The following ASXL2 variants were observed in gnomAD, a reference collection of about 807,000 sequenced individuals.
ASXL2 encodes putative Polycomb group protein ASXL2.
ASXL2 carries 23 observed loss-of-function variants against 122.0 expected under a neutral mutation model. The observed-to-expected ratio is 0.19, with a 90% CI of 0.14 to 0.27. The LOEUF is 0.27. Ranked by LOEUF, ASXL2 falls within the 10% of genes least tolerant of loss-of-function variation. ASXL2 has a pLI of 1.00. For missense variants in ASXL2, 1,518 were observed against 1,713.8 expected (o/e 0.89, Z 2.02); for synonymous variants, 650 against 637.0 (o/e 1.02, Z -0.31).
intron 1 of ASXL2, among the ~76,000 whole-genome samples, chr2:25,849,371 T>G (rs930615687): frequency 2.1e-5 from 3 of 142,804 alleles, no homozygotes; most frequent in African/African-American, 2.6e-5. Flanking sequence ...AAGAATCACT[T>G]GAACCCAGGA....
rs1261707766 is a variant in ASXL2, at chr2:25,878,254, T to C, written c.-32A>G. On this transcript the variant is annotated 5_prime_UTR_variant, in exon 1 of 13. Coordinates refer to ENST00000435504, the MANE Select transcript of ASXL2 (RefSeq NM_018263.6). Reference sequence around the variant, plus strand: ...TCTTGAACTGACTGGGAGGCTCCCGTGTCCGGGCTCCGGCCGCCCTCCCTG... The same window carrying C: ...TCTTGAACTGACTGGGAGGCTCCCGCGTCCGGGCTCCGGCCGCCCTCCCTG... The C allele has an allele frequency of 6.2e-7, 1 of 1,610,912 alleles. No individual in the cohort carries two copies. The highest frequency in any genetic ancestry group is 8.5e-7 in the Non-Finnish European group (1 of 1,178,038).
At chr2:25,846,234 T>A (rs368903294) in intron 1 of ASXL2, among the ~76,000 whole-genome samples, 2 of 152,130 alleles carry the variant, frequency 1.3e-5, no homozygotes, top group East Asian at 3.9e-4. Flanking sequence ...ATTATCTGGG[T>A]TTTTCCCCCC....
chr2:25,751,039 G>A (rs1559500730), intron 11 of ASXL2, among the ~76,000 whole-genome samples: 1 of 152,164 alleles, frequency 6.6e-6, no homozygotes, highest in South Asian at 2.1e-4. Context: ...TTCTGAGATC[G>A]AGTGTCTCTA....
At chr2:25,848,015 A>G (rs1294113667) in intron 1 of ASXL2, among the ~76,000 whole-genome samples, 7 of 152,192 alleles carry the variant, frequency 4.6e-5, no homozygotes, top group Non-Finnish European at 7.3e-5. Context: ...TTTTCCTGCC[A>G]ATTTAAATGG....
At chr2:25,809,472 G>A (rs1193528789) in intron 3 of ASXL2, among the ~76,000 whole-genome samples, 1 of 152,078 alleles carries the variant, frequency 6.6e-6, no homozygotes. Context: ...CTTTCCCTGG[G>A]CTCTGTTTGG....
At chr2:25,877,715 G>A (rs1398820153) in intron 1 of ASXL2, among the ~76,000 whole-genome samples, 1 of 152,170 alleles carries the variant, frequency 6.6e-6, no homozygotes, top group Non-Finnish European at 1.5e-5. Context: ...CCGCTGTAAC[G>A]GGTAAATTCT....
At chr2:25,748,225 A>G (rs1267504167) in intron 12 of ASXL2, among the ~76,000 whole-genome samples, 2 of 147,776 alleles carry the variant, frequency 1.4e-5, no homozygotes, top group African/African-American at 2.5e-5. Flanking sequence ...GGAAGTACAG[A>G]CGGTGGCCCA....
At chr2:25,808,107 A>C (rs1476123443) in intron 3 of ASXL2, among the ~76,000 whole-genome samples, 1 of 151,890 alleles carries the variant, frequency 6.6e-6, no homozygotes, top group African/African-American at 2.4e-5. Flanking sequence ...GAAAAAAAAC[A>C]ACCAAAACTT....
chr2:25,746,998 T>C (rs1440763983), intron 12 of ASXL2, among the ~76,000 whole-genome samples: 1 of 152,216 alleles, frequency 6.6e-6, no homozygotes, highest in East Asian at 1.9e-4. Flanking sequence ...TGGCGTAGTA[T>C]TTGCAGATAA....
chr2:25,868,288 G>A (rs1015937316), intron 1 of ASXL2, among the ~76,000 whole-genome samples: 1 of 152,234 alleles, frequency 6.6e-6, no homozygotes, highest in Non-Finnish European at 1.5e-5. Context: ...AAACATCAGT[G>A]AGTTCAAGGT....
At chr2:25,840,684 G>T (rs1421056150) in intron 2 of ASXL2, among the ~76,000 whole-genome samples, 13 of 152,162 alleles carry the variant, frequency 8.5e-5, no homozygotes, top group Non-Finnish European at 1.5e-5. Context: ...CCATACTGTA[G>T]CATGTATCAG....
At chr2:25,770,383 C>T (rs868233792) in intron 6 of ASXL2, among the ~76,000 whole-genome samples, 17 of 152,020 alleles carry the variant, frequency 1.1e-4, no homozygotes, top group Middle Eastern at 3.2e-3. Context: ...TCAGGTGATC[C>T]GCCTGCCTTG....
chr2:25,746,730 A>G (rs994756303), intron 12 of ASXL2, among the ~76,000 whole-genome samples: 5 of 152,240 alleles, frequency 3.3e-5, no homozygotes, highest in Admixed American at 6.5e-5. Flanking sequence ...ATACCTAAAA[A>G]TAAGTTTCAG....
chr2:25,837,050 GA>G (rs1411147880), intron 2 of ASXL2, among the ~76,000 whole-genome samples: 4 of 123,968 alleles, frequency 3.2e-5, no homozygotes, highest in African/African-American at 1.2e-4. Flanking sequence ...TTAATAAGAC[GA>G]GCAAAGCAGG....
chr2:25,768,900 A>C, intron 6 of ASXL2, 32 bp from the exon 7 acceptor site: 1 of 1,598,580 alleles, frequency 6.3e-7, no homozygotes, highest in East Asian at 2.2e-5. Flanking sequence ...TAAGAAACAA[A>C]ACCAATCAGT....
intron 1 of ASXL2, among the ~76,000 whole-genome samples, chr2:25,869,935 A>C (rs1394397069): frequency 6.6e-6 from 1 of 151,712 alleles, no homozygotes; most frequent in East Asian, 1.9e-4. Flanking sequence ...AGAAAGAAAC[A>C]TTGAAAAGAA....
intron 3 of ASXL2, among the ~76,000 whole-genome samples, chr2:25,825,501 G>C (rs997143355): frequency 2.0e-5 from 3 of 152,120 alleles, no homozygotes; most frequent in East Asian, 1.9e-4. Flanking sequence ...CTATGAATCT[G>C]ACTACTCTAG....
intron 1 of ASXL2, among the ~76,000 whole-genome samples, chr2:25,850,026 T>C (rs1225370521): frequency 6.6e-6 from 1 of 152,140 alleles, no homozygotes; most frequent in Non-Finnish European, 1.5e-5. Context: ...AACCACCACA[T>C]ACCCATCACC....
chr2:25,839,489 T>A (rs1200059685), intron 2 of ASXL2, among the ~76,000 whole-genome samples: 1 of 152,204 alleles, frequency 6.6e-6, no homozygotes, highest in African/African-American at 2.4e-5. Context: ...CTATTGACTC[T>A]GACTACTAAG....
Sources: allele counts gnomAD v4.1 joint callset (sites outside exome capture counted in the v4.1 genomes callset), GRCh38; gene constraint gnomAD v4.1.1; transcripts MANE v1.5; gene names NCBI Gene and HGNC (gene_info 2026-07-23, HGNC 2026-07-21).